Variants in SUN3 observed in about 807,000 individuals in gnomAD.
SUN3 encodes SUN domain-containing protein 3.
A neutral mutation model predicts 48.2 loss-of-function variants in SUN3; 36 were observed. The ratio of observed to expected loss-of-function variants is 0.75; its 90% CI spans 0.57 to 0.99. SUN3 has a LOEUF of 0.99. Ranked by LOEUF, SUN3 falls within the 50% of genes least tolerant of loss-of-function variation. The probability of loss-of-function intolerance (pLI) is 0.00; values close to 1 mark genes in which losing one functional copy is unlikely to be tolerated. For synonymous variants in SUN3, 148 were observed against 147.9 expected, an observed-to-expected ratio of 1.00 and a Z score of 0.00; for missense variants, 419 against 433.1, an observed-to-expected ratio of 0.97 and a Z score of 0.29.
chr7:47,987,319 T>C lies in SUN3; in HGVS notation c.*11A>G. The C allele has an allele frequency of 6.2e-7, 1 of 1,609,504 alleles. No homozygotes were observed. Among genetic ancestry groups the C allele is most frequent in the Non-Finnish European group, 8.5e-7 (1 of 1,177,532 alleles). ...TCTGGACATGTGGCATGGCCTTCTG[T>C]ACCAACTCTTCTAGATGTGCTTGCC... On this transcript the variant is annotated 3_prime_UTR_variant, in exon 10 of 10. Coordinates refer to ENST00000297325, the MANE Select transcript of SUN3 (RefSeq NM_001030019.2).
At chr7:48,012,840 G>T (rs922380495) in intron 3 of SUN3, among the ~76,000 whole-genome samples, 8 of 152,200 alleles carry the variant, frequency 5.3e-5, no homozygotes, top group African/African-American at 1.9e-4. Flanking sequence ...TACCACCCAC[G>T]TGAATAGGAT....
intron 8 of SUN3, among the ~76,000 whole-genome samples, chr7:47,993,097 A>G (rs1182651500): frequency 1.3e-5 from 2 of 152,210 alleles, no homozygotes; most frequent in Non-Finnish European, 2.9e-5. Context: ...AAAAAATGTA[A>G]AGCAATTATT....
At position 48,010,145 on chromosome 7, in the gene SUN3, C is replaced by T. The variant is rs905390055; in HGVS notation, c.289-1070G>A. On this transcript the variant is annotated intron_variant, in intron 3 of 9. Coordinates refer to ENST00000297325, the MANE Select transcript of SUN3 (RefSeq NM_001030019.2). ...ACACATGCTTATACACACGTATGCA[C>T]ATGCTCATAGGCACACATGCATACT... is the stretch of plus-strand genomic sequence containing the variant. Among the ~76,000 whole-genome samples, 19 of 152,186 alleles carry T rather than the reference C, an allele frequency of 1.2e-4. 1 individual carries two copies. The highest frequency in any genetic ancestry group is 4.6e-4 in the African/African-American group (19 of 41,444).
Position 48,019,778 on chromosome 7 carries a change from G to A in SUN3, c.185-2413C>T, listed in dbSNP as rs1469080311. Reference sequence around the variant, plus strand: ...CAGACCAATAAAAAGTAATGAGATCGAAGCCATAATAAAAAATCTCCCAGT... The same window carrying A: ...CAGACCAATAAAAAGTAATGAGATCAAAGCCATAATAAAAAATCTCCCAGT... On this transcript the variant is annotated intron_variant, in intron 2 of 9. Transcript: ENST00000297325. Among the ~76,000 whole-genome samples, 8 of 151,680 alleles carry A rather than the reference G, an allele frequency of 5.3e-5. No homozygotes were observed. In the East Asian group the frequency reaches 5.8e-4, roughly 11 times the overall value.
chr7:47,997,287 T>C lies in SUN3; in HGVS notation c.578-1141A>G, dbSNP rs534520392. ...TTGGGATATATTTATACTAAAAGAT[T>C]ATTTGCTATTTGTCTGAAATTTAAA... On this transcript the variant is annotated intron_variant, in intron 6 of 9. Transcript: ENST00000297325. Among the ~76,000 whole-genome samples the C allele has an allele frequency of 2.0e-5, 3 of 152,302 alleles. 1 individual carries two copies. In the South Asian group the frequency reaches 6.2e-4, roughly 32 times the overall value.
chr7:48,019,318 T>C lies in SUN3; in HGVS notation c.185-1953A>G, dbSNP rs137992447. Among the ~76,000 whole-genome samples the C allele has an allele frequency of 2.6e-3, 397 of 152,240 alleles. 1 individual carries two copies. The highest frequency in any genetic ancestry group is 3.6e-3 in the Non-Finnish European group (246 of 68,014). ...AAAGCAGTACTAAGAGGGAAGATTA[T>C]AGTTGTAAGTGCCTATATTGAAAAA... is the stretch of plus-strand genomic sequence containing the variant. On this transcript the variant is annotated intron_variant, in intron 2 of 9. Coordinates refer to ENST00000297325, the MANE Select transcript of SUN3 (RefSeq NM_001030019.2).
chr7:48,014,277 G>A (rs1328030926), intron 3 of SUN3, among the ~76,000 whole-genome samples: 2 of 152,178 alleles, frequency 1.3e-5, no homozygotes, highest in Non-Finnish European at 2.9e-5. Flanking sequence ...TGTTGAGTAT[G>A]CTGGTTAGTC....
At chr7:48,005,554 T>G (rs995085072) in intron 6 of SUN3, among the ~76,000 whole-genome samples, 3 of 152,218 alleles carry the variant, frequency 2.0e-5, no homozygotes, top group African/African-American at 7.2e-5. Context: ...CCCTTAATAA[T>G]TAATTTTAAT....
chr7:48,015,112 C>T (rs1789775612), intron 3 of SUN3, among the ~76,000 whole-genome samples: 1 of 152,164 alleles, frequency 6.6e-6, no homozygotes, highest in Non-Finnish European at 1.5e-5. Context: ...CAAAATTAAC[C>T]ATCACAACGA....
At chr7:48,035,529 C>T in the SUN3 span, 2 of 697,584 alleles carry the variant, frequency 2.9e-6, no homozygotes, top group Non-Finnish European at 5.2e-6. The surrounding 1 kb of genome is among the most constrained non-coding windows in gnomAD (Gnocchi z 4.0). Flanking sequence ...GGTTCCGCGG[C>T]GCGCTGGGAG....
In SUN3 at chr7:48,006,930, C is replaced by G. The variant is rs111546466; in HGVS notation, c.492+235G>C. Reference sequence around the variant, plus strand: ...TTCTTTCTTTTACTGGAAAATAGAACAGTTATTTATTTTGGTGTGAAGTAA... The same window carrying G: ...TTCTTTCTTTTACTGGAAAATAGAAGAGTTATTTATTTTGGTGTGAAGTAA... On this transcript the variant is annotated intron_variant, in intron 5 of 9. Transcript: ENST00000297325. Among the ~76,000 whole-genome samples, 454 of 152,230 alleles carry G rather than the reference C, an allele frequency of 3.0e-3. 7 individuals carry two copies. Among genetic ancestry groups the G allele is most frequent in the African/African-American group, 0.01 (423 of 41,534 alleles).
At chr7:48,011,831 T>C (rs184334741) in intron 3 of SUN3, among the ~76,000 whole-genome samples, 339 of 152,168 alleles carry the variant, frequency 2.2e-3, no homozygotes, top group Non-Finnish European at 4.4e-3. Context: ...AAAATAAAGA[T>C]TGGAAAAGTA....
At chr7:48,019,981 A>C (rs1789943998) in intron 2 of SUN3, among the ~76,000 whole-genome samples, 1 of 121,736 alleles carries the variant, frequency 8.2e-6, no homozygotes, top group African/African-American at 5.7e-5. Flanking sequence ...ACACATCAAA[A>C]AAAAAAAAAA....
intron 9 of SUN3, among the ~76,000 whole-genome samples, chr7:47,987,803 G>A (rs1265746312): frequency 3.9e-5 from 6 of 152,094 alleles, no homozygotes; most frequent in Non-Finnish European, 8.8e-5. Flanking sequence ...AAAAGTGATG[G>A]GATTACAGGT....
Position 48,025,898 on chromosome 7 carries a change from T to A in SUN3, c.163A>T (p.Thr55Ser). The A allele has an allele frequency of 6.2e-7, 1 of 1,602,832 alleles. No homozygotes were observed. Among genetic ancestry groups the A allele is most frequent in the Non-Finnish European group, 8.5e-7 (1 of 1,172,382 alleles). ...SWKIILSTML[T>S]LTFLLVGLLN... ...TTACCTACAAGAAGAAAAGTCAGTG[T>A]AAGCATTGTACTTAGAATAATCTTC... Residue 55 changes from threonine to serine, a missense_variant, in exon 2 of 10, where the codon ACA (threonine) becomes TCA (serine). Coordinates refer to ENST00000297325, the MANE Select transcript of SUN3 (RefSeq NM_001030019.2).
At chr7:48,005,852 C>T in intron 6 of SUN3, 117 bp downstream of exon 6, 8 of 487,768 alleles carry the variant, frequency 1.6e-5, no homozygotes, top group South Asian at 6.0e-5. Context: ...GATTAATTTC[C>T]CCCCCCCAAG....
intron 3 of SUN3, among the ~76,000 whole-genome samples, chr7:48,015,562 A>G (rs114521189): frequency 6.6e-6 from 1 of 152,282 alleles, no homozygotes; most frequent in African/African-American, 2.4e-5. Flanking sequence ...CCCTGAGCAA[A>G]AAGGGTATGA....
At chr7:47,996,991 A>G (rs1245219381) in intron 6 of SUN3, among the ~76,000 whole-genome samples, 1 of 151,828 alleles carries the variant, frequency 6.6e-6, no homozygotes, top group Admixed American at 6.6e-5. Context: ...TAGTAGAGAC[A>G]GGGTTTCACC....
chr7:47,994,840 G>C (rs1789160696), intron 7 of SUN3, among the ~76,000 whole-genome samples: 1 of 152,192 alleles, frequency 6.6e-6, no homozygotes, highest in Non-Finnish European at 1.5e-5. Context: ...TGGCAGTGGA[G>C]GTGACAGTGA....
Sources: allele counts gnomAD v4.1 joint callset (sites outside exome capture counted in the v4.1 genomes callset), GRCh38; gene constraint gnomAD v4.1.1; non-coding constraint Gnocchi (gnomAD v3.1); transcripts MANE v1.5; gene names NCBI Gene and HGNC (gene_info 2026-07-23, HGNC 2026-07-21).